Variants in LRSAM1 observed in about 807,000 individuals in gnomAD.
LRSAM1 encodes the protein E3 ubiquitin-protein ligase LRSAM1.
A neutral mutation model predicts 118.1 loss-of-function variants in LRSAM1; 96 were observed. The observed-to-expected ratio is 0.81, with a 90% CI of 0.69 to 0.96. The LOEUF (loss-of-function observed/expected upper bound fraction) is 0.96. LRSAM1 is among the 40% of genes least tolerant of loss of function. LRSAM1 has a pLI of 0.00. For synonymous variants in LRSAM1, 322 were observed against 364.2 expected, an observed-to-expected ratio of 0.88 and a Z score of 1.32; for missense variants, 804 against 915.5, an observed-to-expected ratio of 0.88 and a Z score of 1.57.
At chr9:127,496,639 C>T (rs1326093711) in intron 23 of LRSAM1, among the ~76,000 whole-genome samples, 1 of 152,208 alleles carries the variant, frequency 6.6e-6, no homozygotes, top group African/African-American at 2.4e-5. Flanking sequence ...TTATCATCAT[C>T]TTTCAGTTGA....
intron 25 of LRSAM1, among the ~76,000 whole-genome samples, chr9:127,501,383 A>T (rs1251435172): frequency 6.6e-6 from 1 of 151,916 alleles, no homozygotes; most frequent in Non-Finnish European, 1.5e-5. Flanking sequence ...ATTAGGAAAA[A>T]ATTTCCCAAA....
At chr9:127,464,864 A>G (rs1307642703) in intron 9 of LRSAM1, among the ~76,000 whole-genome samples, 1 of 151,854 alleles carries the variant, frequency 6.6e-6, no homozygotes, top group Non-Finnish European at 1.5e-5. Flanking sequence ...CCTGGTCTCA[A>G]AGTCTTGGGC....
chr9:127,474,791 C>G (rs1030524212), intron 11 of LRSAM1, among the ~76,000 whole-genome samples: 1 of 152,154 alleles, frequency 6.6e-6, no homozygotes, highest in Non-Finnish European at 1.5e-5. Context: ...CAGGTCCTGG[C>G]GACAAGCTAG....
chr9:127,457,799 C>T (rs1022343350), intron 6 of LRSAM1, among the ~76,000 whole-genome samples: 2 of 152,116 alleles, frequency 1.3e-5, no homozygotes, highest in Non-Finnish European at 2.9e-5. Flanking sequence ...GGTGTGAGCC[C>T]AGGGTTGTTA....
chr9:127,483,752 C>G (rs1835624453), intron 16 of LRSAM1, among the ~76,000 whole-genome samples: 1 of 152,180 alleles, frequency 6.6e-6, no homozygotes, highest in Non-Finnish European at 1.5e-5. Flanking sequence ...CAACCTCCGC[C>G]TCCCAGGTTT....
intron 15 of LRSAM1, 29 bp downstream of exon 15, chr9:127,481,256 T>A: frequency 5.3e-5 from 11 of 208,040 alleles, no homozygotes; most frequent in Non-Finnish European, 9.1e-5. Context: ...GAGGGCAGCA[T>A]TTTTTTTTTT....
In LRSAM1 at chr9:127,483,013, C is replaced by T. The variant is rs760074620; in HGVS notation, c.1152C>T (p.Asp384=). ...QEETESLRRR[D]VASAMQQMLT... is the part of the protein sequence containing the mutation. ...AGACTGAGAGCCTGCGGCGACGTGA[C>T]GTTGCCTGTGAGTTTTGGGATGGGG... Residue 384 remains aspartate, a synonymous_variant, in exon 16 of 26, where the codon GAC becomes GAT. Coordinates refer to ENST00000300417, the MANE Select transcript of LRSAM1 (RefSeq NM_001005373.4). The T allele has an allele frequency of 7.5e-6, 12 of 1,603,292 alleles. No homozygotes were observed. Among genetic ancestry groups the T allele is most frequent in the Admixed American group, 1.7e-5 (1 of 57,890 alleles).
chr9:127,467,856 C>T, intron 10 of LRSAM1, 26 bp downstream of exon 10: 1 of 1,553,166 alleles, frequency 6.4e-7, no homozygotes, highest in Non-Finnish European at 8.7e-7. Flanking sequence ...TGCCTCCTCC[C>T]CTCATTGAGG....
At chr9:127,478,052 C>CAAAAAAAAAAAAAAAAAAA (rs368060643) in intron 11 of LRSAM1, among the ~76,000 whole-genome samples, 1 of 72,272 alleles carries the variant, frequency 1.4e-5, no homozygotes, top group Non-Finnish European at 3.0e-5. Flanking sequence ...AACTCCGTCT[C>CAAAAAAAAAAAAAAAAAAA]AAAAAAAAAA....
At chr9:127,454,434 T>C in intron 2 of LRSAM1, 62 bp from the exon 3 acceptor site, 16 of 1,255,326 alleles carry the variant, frequency 1.3e-5, no homozygotes, top group Non-Finnish European at 1.8e-5. Flanking sequence ...CTGCACTACC[T>C]GTCCCGGGTG....
intron 16 of LRSAM1, among the ~76,000 whole-genome samples, chr9:127,484,585 C>A (rs533724746): frequency 6.6e-6 from 1 of 150,558 alleles, no homozygotes; most frequent in South Asian, 2.1e-4. Flanking sequence ...GTCTCAAACT[C>A]CTGGGCTCAA....
Position 127,487,779 on chromosome 9 carries a change from G to A in LRSAM1, c.1347+16G>A. The A allele has an allele frequency of 6.2e-7, 1 of 1,608,552 alleles. No individual in the cohort carries two copies. The highest frequency in any genetic ancestry group is 1.1e-5 in the South Asian group (1 of 90,270). On this transcript the variant is annotated intron_variant, in intron 18 of 25. Coordinates refer to ENST00000300417, the MANE Select transcript of LRSAM1 (RefSeq NM_001005373.4). ...CCTGCAGGAGGTGAGCCCTCGCCCA[G>A]AGCCTGAGGGTGGGAGCTCAGGAGG... is the stretch of plus-strand genomic sequence containing the variant.
chr9:127,491,439 G>A, intron 20 of LRSAM1, 144 bp downstream of exon 20: 2 of 713,946 alleles, frequency 2.8e-6, no homozygotes, highest in Non-Finnish European at 5.0e-6. Context: ...CTCTGTGGCT[G>A]TGACACCAGA....
chr9:127,487,933 G>T (rs1564276459), intron 18 of LRSAM1, among the ~76,000 whole-genome samples, 170 bp downstream of exon 18: 1 of 152,020 alleles, frequency 6.6e-6, no homozygotes, highest in Non-Finnish European at 1.5e-5. Flanking sequence ...AGAGGCTGAG[G>T]GGGGGCCCGG....
At chr9:127,483,882 T>G (rs1835629534) in intron 16 of LRSAM1, among the ~76,000 whole-genome samples, 1 of 152,112 alleles carries the variant, frequency 6.6e-6, no homozygotes, top group South Asian at 2.1e-4. Flanking sequence ...AGGCTGCTCT[T>G]GAACTCCTGA....
At chr9:127,477,254 A>G (rs1835376511) in intron 11 of LRSAM1, among the ~76,000 whole-genome samples, 1 of 152,204 alleles carries the variant, frequency 6.6e-6, no homozygotes, top group African/African-American at 2.4e-5. Context: ...AGTGGTCAGT[A>G]GATGCTTTAG....
Position 127,485,688 on chromosome 9 carries a change from C to T in LRSAM1, c.1160-48C>T, listed in dbSNP as rs775747767. On this transcript the variant is annotated intron_variant, in intron 16 of 25. Transcript: ENST00000300417. Reference sequence around the variant, plus strand: ...CCTGCTGCCTCCCTGCCCAGGTGCCCCAGGAGCAGCCACTCCACTCAGCTG... The same window carrying T: ...CCTGCTGCCTCCCTGCCCAGGTGCCTCAGGAGCAGCCACTCCACTCAGCTG... The T allele has an allele frequency of 6.3e-6, 10 of 1,588,244 alleles. No individual in the cohort carries two copies. In the South Asian group the frequency reaches 1.1e-4, roughly 18 times the overall value.
At chr9:127,466,530 T>TTTTC (rs1834957466) in intron 9 of LRSAM1, among the ~76,000 whole-genome samples, 1 of 84,176 alleles carries the variant, frequency 1.2e-5, no homozygotes, top group Non-Finnish European at 2.1e-5. Flanking sequence ...TTTTTTTTTT[T>TTTTC]CCACTAGAGA....
rs1263380551 is a variant in LRSAM1, at chr9:127,465,768, G to C, written c.529-1972G>C. Among the ~76,000 whole-genome samples, 8 of 152,206 alleles carry C rather than the reference G, an allele frequency of 5.3e-5. No homozygotes were observed. Among genetic ancestry groups the C allele is most frequent in the Admixed American group, 5.2e-4 (8 of 15,278 alleles). On this transcript the variant is annotated intron_variant, in intron 9 of 25. Transcript: ENST00000300417. This position sits in a 1 kb window ranked among gnomAD's most constrained non-coding sequence, Gnocchi z 4.1. ...GACTCCCCTGATACCCAGGCATAGA[G>C]GATATCAGTGCCTGCCAGCACTCTG... is the stretch of plus-strand genomic sequence containing the variant.
Sources: gnomAD v4.1 joint callset for allele counts (sites outside exome capture counted in the v4.1 genomes callset) on GRCh38, gnomAD v4.1.1 for gene constraint, Gnocchi (gnomAD v3.1) non-coding constraint, MANE v1.5 for transcripts, NCBI Gene and HGNC (gene_info 2026-07-23, HGNC 2026-07-21) for gene names.